The following PARD3 variants were observed in gnomAD, a reference collection of about 807,000 sequenced individuals.
PARD3 encodes the protein par-3 family cell polarity regulator, also known as partitioning defective 3 homolog.
Under a neutral mutation model 155.4 loss-of-function variants are expected in PARD3, and 75 were observed. The observed-to-expected ratio is 0.48, with a 90% CI of 0.40 to 0.58. PARD3 has a LOEUF of 0.58. Ranked by LOEUF, PARD3 falls within the 20% of genes least tolerant of loss-of-function variation. The pLI, the probability that PARD3 is intolerant of heterozygous loss-of-function variation, is 0.00. For synonymous variants in PARD3, 576 were observed against 610.5 expected (o/e 0.94, Z 0.83); for missense variants, 1,642 against 1,721.7 (o/e 0.95, Z 0.82).
chr10:34,133,631 C>G (rs183400548), intron 22 of PARD3, among the ~76,000 whole-genome samples: 26 of 152,300 alleles, frequency 1.7e-4, no homozygotes, highest in Admixed American at 6.5e-4. Context: ...GGCTGCACCC[C>G]TCCTGCGTGA....
At chr10:34,241,608 C>T (rs531151738) in intron 22 of PARD3, among the ~76,000 whole-genome samples, 7 of 152,308 alleles carry the variant, frequency 4.6e-5, no homozygotes, top group South Asian at 2.1e-4. Context: ...CAGGGCAACA[C>T]GTCTTAATCA....
Position 34,794,180 on chromosome 10 carries a change from T to A in PARD3, c.120+20696A>T, listed in dbSNP as rs149976866. On this transcript the variant is annotated intron_variant, in intron 1 of 24. Transcript: ENST00000374788. ...AGGGTTTCCACTTGCAGTGTCACCC[T>A]CAGTCCTGGCCATATACTCAGTACA... 1.2e-3 allele frequency among the ~76,000 whole-genome samples: 185 copies of A among 152,276 alleles called. 1 individual carries two copies. Among genetic ancestry groups the A allele is most frequent in the African/African-American group, 4.3e-3 (178 of 41,560 alleles).
intron 2 of PARD3, among the ~76,000 whole-genome samples, chr10:34,571,413 TA>T (rs1417410111): frequency 6.6e-5 from 10 of 152,210 alleles, no homozygotes; most frequent in Non-Finnish European, 1.3e-4. Context: ...CTGATGATAG[TA>T]AAAGGATGAT....
At chr10:34,160,206 G>A (rs369087126) in intron 22 of PARD3, among the ~76,000 whole-genome samples, 3 of 152,142 alleles carry the variant, frequency 2.0e-5, no homozygotes, top group South Asian at 2.1e-4. Context: ...GTTATCATTC[G>A]AATGCACTGT....
At position 34,111,378 on chromosome 10, in the gene PARD3, G is replaced by A. The variant is rs1455800980; in HGVS notation, c.3853C>T (p.Arg1285Cys). 9.9e-6 allele frequency: 16 copies of A among 1,614,012 alleles called. No homozygotes were observed. The highest frequency in any genetic ancestry group is 1.7e-5 in the Admixed American group (1 of 60,002). Residue 1285 changes from arginine (R) to cysteine (C), a missense_variant, in exon 25 of 25, where the codon CGC (arginine) becomes TGC (cysteine). Around this residue, in one of 3 missense-constraint regions of PARD3, gnomAD observed 1,529 missense variants for 1,587.3 expected, o/e 0.96. Transcript: ENST00000374788. ...TGCTCCTTCCGCCTCTGTTCCTGGC[G>A]AAGGAGCTCCTGAGTTTCCAGCATG... is the stretch of plus-strand genomic sequence containing the variant. ...RVMLETQELL[R>C]QEQRRKEQQM...
intron 2 of PARD3, among the ~76,000 whole-genome samples, chr10:34,565,824 T>C (rs1386222169): frequency 6.6e-6 from 1 of 152,180 alleles, no homozygotes. Context: ...CTTCAAAAAA[T>C]GTGGAATTCA....
chr10:34,495,783 G>A (rs562110473), intron 3 of PARD3, among the ~76,000 whole-genome samples: 45 of 151,638 alleles, frequency 3.0e-4, no homozygotes, highest in African/African-American at 1.1e-3. Flanking sequence ...GCAACCGGCT[G>A]CAGTAATAAC....
rs966526710 is a variant in PARD3, at chr10:34,331,230, C to T, written c.2720G>A (p.Arg907His). ...VTLNGDIPFH[R>H]PRPRIIRGRG... The stretch of plus-strand genomic sequence containing the variant: ...GCCTCTGATTATCCGCGGCCGTGGA[C>T]GATGGAAAGGAATATCCCCATTCAA... The change falls in exon 19 of 25, where the codon CGT becomes CAT. Residue 907 changes from arginine (R) to histidine (H), a missense_variant. Physicochemically the swap from Arg to His is conservative, Grantham distance 29. Coordinates refer to ENST00000374788, the MANE Select transcript of PARD3 (RefSeq NM_001184785.2). 13 of 1,613,854 alleles carry T rather than the reference C, an allele frequency of 8.1e-6. No homozygotes were observed. Among genetic ancestry groups the T allele is most frequent in the East Asian group, 6.7e-5 (3 of 44,888 alleles).
intron 22 of PARD3, among the ~76,000 whole-genome samples, chr10:34,263,138 C>T (rs1955110086): frequency 6.6e-6 from 1 of 152,122 alleles, no homozygotes; most frequent in Admixed American, 6.5e-5. Flanking sequence ...ACCTATGTGG[C>T]GATGCTGAAA....
At chr10:34,433,543 C>A (rs1476657368) in intron 5 of PARD3, among the ~76,000 whole-genome samples, 1 of 152,062 alleles carries the variant, frequency 6.6e-6, no homozygotes, top group Non-Finnish European at 1.5e-5. Context: ...ATACAAAGTT[C>A]TCAGGAAAAT....
chr10:34,659,915 A>G (rs538152104), intron 2 of PARD3, among the ~76,000 whole-genome samples: 78 of 152,310 alleles, frequency 5.1e-4, no homozygotes, highest in Middle Eastern at 3.4e-3. Context: ...TCTTCCCTAG[A>G]AATAATCCAT....
At chr10:34,250,905 T>A (rs1049120378) in intron 22 of PARD3, among the ~76,000 whole-genome samples, 1 of 152,190 alleles carries the variant, frequency 6.6e-6, no homozygotes, top group Non-Finnish European at 1.5e-5. Flanking sequence ...AGTTCTCTCT[T>A]AAGAGTGAGA....
chr10:34,531,612 C>T (rs781499519), intron 2 of PARD3, among the ~76,000 whole-genome samples: 30 of 152,212 alleles, frequency 2.0e-4, no homozygotes, highest in African/African-American at 7.0e-4. Flanking sequence ...CCTGCAGCAA[C>T]GGCTTCAGGA....
intron 1 of PARD3, among the ~76,000 whole-genome samples, chr10:34,772,955 T>TAC (rs1183607107): frequency 6.6e-6 from 1 of 152,154 alleles, no homozygotes; most frequent in Non-Finnish European, 1.5e-5. Flanking sequence ...TTACCAAAAT[T>TAC]ACTTCTCATT....
chr10:34,359,413 A>C (rs1251048263), intron 13 of PARD3, 96 bp from the exon 14 acceptor site: 3 of 206,428 alleles, frequency 1.5e-5, no homozygotes, highest in Non-Finnish European at 2.3e-5. Flanking sequence ...AAAACAAAGC[A>C]AAAAAAAAAA....
chr10:34,603,390 T>C (rs1257133271), intron 2 of PARD3, among the ~76,000 whole-genome samples: 1 of 152,238 alleles, frequency 6.6e-6, no homozygotes, highest in Non-Finnish European at 1.5e-5. Context: ...TAATGTTCTT[T>C]GCCCAATGAC....
chr10:34,219,828 T>A (rs1031283930), intron 22 of PARD3, among the ~76,000 whole-genome samples: 1 of 152,172 alleles, frequency 6.6e-6, no homozygotes, highest in African/African-American at 2.4e-5. Flanking sequence ...TTTGGCACTG[T>A]ACTAATCTAT....
At chr10:34,119,132 G>T (rs1946840835) in intron 24 of PARD3, among the ~76,000 whole-genome samples, 1 of 152,180 alleles carries the variant, frequency 6.6e-6, no homozygotes, top group South Asian at 2.1e-4. Context: ...GAGCAGTGAT[G>T]ATGGGACAGT....
At chr10:34,660,852 AT>A (rs749757813) in intron 2 of PARD3, among the ~76,000 whole-genome samples, 39 of 152,296 alleles carry the variant, frequency 2.6e-4, no homozygotes, top group Non-Finnish European at 3.1e-4. Flanking sequence ...CTGGAAAATT[AT>A]TTTAAAACAT....
Sources: gnomAD v4.1 joint callset for allele counts (sites outside exome capture counted in the v4.1 genomes callset) on GRCh38, gnomAD v4.1.1 for gene constraint, gnomAD v4.1.1 regional missense constraint, MANE v1.5 for transcripts, NCBI Gene and HGNC (gene_info 2026-07-23, HGNC 2026-07-21) for gene names.